Variants in COPS5 observed in about 807,000 individuals in gnomAD.
COPS5 encodes the protein COP9 signalosome complex subunit 5.
Under a neutral mutation model 44.4 loss-of-function variants are expected in COPS5, and 8 were observed. The ratio of observed to expected loss-of-function variants is 0.18; its 90% CI spans 0.11 to 0.32. COPS5 has a LOEUF of 0.32. Among genes scored for constraint, COPS5 ranks in the 10% least tolerant of loss-of-function variants. The pLI is 1.00. For synonymous variants in COPS5, 122 were observed against 142.8 expected (o/e 0.85, Z 1.04); for missense variants, 159 against 406.4 (o/e 0.39, Z 5.23).
chr8:67,057,479 T>G, intron 3 of COPS5, 34 bp from the exon 4 acceptor site: 1 of 1,396,894 alleles, frequency 7.2e-7, no homozygotes, highest in East Asian at 2.3e-5. Context: ...TCTGCTGATA[T>G]AAAACTGTAT....
At chr8:67,053,233 G>A (rs1804445663) in intron 5 of COPS5, among the ~76,000 whole-genome samples, 1 of 151,788 alleles carries the variant, frequency 6.6e-6, no homozygotes, top group African/African-American at 2.4e-5. Context: ...GGGATTACAG[G>A]CGCCCACCAC....
intron 6 of COPS5, among the ~76,000 whole-genome samples, chr8:67,049,795 G>T (rs1029515128): frequency 6.6e-6 from 1 of 152,078 alleles, no homozygotes; most frequent in Non-Finnish European, 1.5e-5. Context: ...TGCTGCTGTA[G>T]CTCATATTCT....
intron 3 of COPS5, 98 bp downstream of exon 3, chr8:67,057,985 G>C (rs1349126312): frequency 7.7e-7 from 1 of 1,296,620 alleles, no homozygotes; most frequent in Non-Finnish European, 1.1e-6. Context: ...ACTGATACCA[G>C]AGCAATTTCT....
In COPS5 at chr8:67,052,814, C is replaced by CT. The variant is rs1804438302; in HGVS notation, c.660-1474dup. Among the ~76,000 whole-genome samples, 6 of 143,398 alleles carry CT rather than the reference C, an allele frequency of 4.2e-5. No homozygotes were observed. In the Admixed American group the frequency reaches 4.3e-4, roughly 10 times the overall value. 94.1% of individuals were successfully genotyped at this position (143,398 alleles called of 152,430 possible). Reference sequence around the variant, plus strand: ...CAGCCTGGGCAACAAGAGCAAGACTCTGTCTTAAAAAAAAAAAAAAAAAGA... The same window carrying CT: ...CAGCCTGGGCAACAAGAGCAAGACTCTTGTCTTAAAAAAAAAAAAAAAAAGA... On this transcript the variant is annotated intron_variant, in intron 5 of 7. Coordinates refer to ENST00000357849, the MANE Select transcript of COPS5 (RefSeq NM_006837.3).
At chr8:67,060,350 G>A (rs1488136613) in intron 1 of COPS5, 1 of 1,201,850 alleles carries the variant, frequency 8.3e-7, no homozygotes, top group Non-Finnish European at 1.1e-6. Context: ...ACAGAAGCAA[G>A]CAGATAACCA....
chr8:67,061,982 C>T lies in COPS5; in HGVS notation c.15G>A (p.Gly5=), dbSNP rs762953691. The change falls in exon 1 of 8, where the codon GGG becomes GGA. Residue 5 remains glycine, a synonymous_variant. Transcript: ENST00000357849. MAAS[G]SGMAQKTWEL... ...CCCAGGTTTTCTGGGCCATACCGCTCCCGGACGCCGCCATCGCCGAGGAAG... is the reference window on the plus strand; with the variant it reads ...CCCAGGTTTTCTGGGCCATACCGCTTCCGGACGCCGCCATCGCCGAGGAAG... The T allele has an allele frequency of 6.2e-7, 1 of 1,614,106 alleles. No homozygotes were observed. The highest frequency in any genetic ancestry group is 1.3e-5 in the African/African-American group (1 of 74,936).
At chr8:67,061,716 C>G in intron 1 of COPS5, 138 bp downstream of exon 1, 1 of 849,506 alleles carries the variant, frequency 1.2e-6, no homozygotes, top group Non-Finnish European at 1.9e-6. Context: ...TTAGGCTCTA[C>G]TTGCAGATCC....
At position 67,051,418 on chromosome 8, in the gene COPS5, T is replaced by C. The variant is rs1804411141; in HGVS notation, c.660-77A>G. The C allele has an allele frequency of 1.1e-5, 8 of 729,872 alleles. No homozygotes were observed. The South Asian group carries it at 1.4e-4, about 12-fold the overall frequency. 45.2% of individuals were successfully genotyped at this position (729,872 alleles called of 1,614,324 possible). A position where few individuals can be genotyped will look rare whatever the true frequency, so the allele number is the denominator to read the frequency against. On this transcript the variant is annotated intron_variant, in intron 5 of 7. Transcript: ENST00000357849. ...GTCACATAAAACTTATGGCCAGATTTAAGTGAGTTACACTTTATTCTCAAA... is the reference window on the plus strand; with the variant it reads ...GTCACATAAAACTTATGGCCAGATTCAAGTGAGTTACACTTTATTCTCAAA...
At chr8:67,051,137 G>T (rs548973998) in intron 6 of COPS5, 93 bp downstream of exon 6, 2 of 873,254 alleles carry the variant, frequency 2.3e-6, no homozygotes, top group East Asian at 2.5e-5. Context: ...GCCAAGTCAG[G>T]TATAGCCTTT....
chr8:67,043,406 C>CA (rs1270919627), intron 7 of COPS5, 89 bp from the exon 8 acceptor site: 13 of 738,502 alleles, frequency 1.8e-5, no homozygotes, highest in Non-Finnish European at 2.7e-5. Flanking sequence ...CATGTAACTC[C>CA]AATGAGTTTA....
At chr8:67,055,209 A>T (rs574655200) in intron 5 of COPS5, among the ~76,000 whole-genome samples, 31 of 152,344 alleles carry the variant, frequency 2.0e-4, no homozygotes, top group African/African-American at 6.7e-4. Flanking sequence ...CAGTGATAGG[A>T]CATGAGCTCA....
chr8:67,054,662 A>T (rs1349534393), intron 5 of COPS5, among the ~76,000 whole-genome samples: 18 of 152,232 alleles, frequency 1.2e-4, no homozygotes, highest in Admixed American at 1.1e-3. Flanking sequence ...AAATTCTAGA[A>T]TTTTCTAAGA....
rs769509975 is a variant in COPS5, at chr8:67,057,375, G to A, written c.573+5C>T. 1 of 1,567,556 alleles carries A rather than the reference G, an allele frequency of 6.4e-7. No homozygotes were observed. The highest frequency in any genetic ancestry group is 8.7e-7 in the Non-Finnish European group (1 of 1,153,524). The stretch of plus-strand genomic sequence containing the variant: ...ACTCTAACTCTTAAAAAAAAAAAAA[G>A]TTACCTTTGGGTATGTCCTAAAGGC... On this transcript the variant is annotated splice_donor_5th_base_variant and intron_variant, in intron 4 of 7. Coordinates refer to ENST00000357849, the MANE Select transcript of COPS5 (RefSeq NM_006837.3).
rs1804648184 is a variant in COPS5, at chr8:67,061,880, G to A, written c.117C>T (p.Ile39=). The A allele has an allele frequency of 7.4e-6, 12 of 1,614,206 alleles. No homozygotes were observed. In the East Asian group the frequency reaches 2.5e-4, roughly 33 times the overall value. ...CCTTAGTCCAGGGCTTCGCCGCCAG[G>A]ATTTCTTGCTGCTGTTTCTTGTCGT... ...YKYDKKQQQE[I]LAAKPWTKDH... is the part of the protein sequence containing the mutation. Residue 39 remains isoleucine (I), a synonymous_variant, in exon 1 of 8, where the codon ATC becomes ATT. Transcript: ENST00000357849.
chr8:67,046,824 C>CAAAAAAAAAAAAAAAAAAAA (rs771868140), intron 6 of COPS5, among the ~76,000 whole-genome samples: 1 of 43,726 alleles, frequency 2.3e-5, no homozygotes, highest in African/African-American at 9.7e-5. Context: ...ACTCTGTCTC[C>CAAAAAAAAAAAAAAAAAAAA]AAAAAAAAAA....
rs1236171479 is a variant in COPS5 at position 67,051,463 on chromosome 8, AT to A, written c.660-123del. The A allele has an allele frequency of 1.1e-5, 7 of 612,422 alleles. No homozygotes were observed. The East Asian group carries it at 1.6e-4, about 14-fold the overall frequency. 37.9% of individuals were successfully genotyped at this position (612,422 alleles called of 1,614,324 possible). A position where few individuals can be genotyped will look rare whatever the true frequency, so the allele number is the denominator to read the frequency against. ...CTCAAATATTCACATTTTAGTCTTT[AT>A]TCCAATAAGGCAATAGCTAACCATG... On this transcript the variant is annotated intron_variant, in intron 5 of 7. Coordinates refer to ENST00000357849, the MANE Select transcript of COPS5 (RefSeq NM_006837.3).
At chr8:67,052,633 G>A (rs1220603619) in intron 5 of COPS5, among the ~76,000 whole-genome samples, 1 of 151,730 alleles carries the variant, frequency 6.6e-6, no homozygotes, top group Non-Finnish European at 1.5e-5. Flanking sequence ...GGTCAGGCTG[G>A]TCTTGAACTC....
intron 1 of COPS5, 194 bp downstream of exon 1, chr8:67,061,660 A>C (rs919074316): frequency 1.7e-6 from 1 of 602,940 alleles, no homozygotes; most frequent in Admixed American, 3.0e-5. Context: ...CCGGGGGCAA[A>C]TGGATTAAAG....
intron 7 of COPS5, chr8:67,045,053 A>C (rs1378196738): frequency 6.6e-6 from 1 of 152,242 alleles, no homozygotes; most frequent in South Asian, 2.1e-4. Context: ...AATTTGGGAT[A>C]CTAAATTACT....
Sources: allele counts gnomAD v4.1 joint callset (sites outside exome capture counted in the v4.1 genomes callset), GRCh38; gene constraint gnomAD v4.1.1; transcripts MANE v1.5; gene names NCBI Gene and HGNC (gene_info 2026-07-23, HGNC 2026-07-21).